The following COPZ2 variants were observed in gnomAD, a reference collection of about 807,000 sequenced individuals.
COPZ2 encodes the protein coat protein complex I subunit zeta 2.
In COPZ2, 30 loss-of-function variants were observed where a neutral mutation model predicts 33.2. That is an observed-to-expected ratio of 0.90 (90% CI 0.68 to 1.23). The LOEUF (loss-of-function observed/expected upper bound fraction) is 1.23, where lower values mean the gene tolerates loss of function less well. Ranked by LOEUF, COPZ2 falls within the 50% of genes most tolerant of loss-of-function variation. COPZ2 has a pLI of 0.00. For missense variants in COPZ2, 263 were observed against 262.4 expected (o/e 1.00, Z -0.02); for synonymous variants, 89 against 102.6 (o/e 0.87, Z 0.80).
At position 48,032,701 on chromosome 17, in the gene COPZ2, A is replaced by G. The variant is rs1382009311; in HGVS notation, c.401T>C (p.Leu134Pro). ...MSVLTCLFESLNHMLRKNVEK... is the reference protein window; with the variant it reads ...MSVLTCLFESPNHMLRKNVEK... ...CCTCACTCACCTTAACATGTGGTTC[A>G]GAGACTCAAACAGGCAGGTGAGAAC... The change falls in exon 5 of 9, where the codon CTG becomes CCG. Residue 134 changes from leucine to proline, a missense_variant. By Grantham distance (98) the Leu-to-Pro change is moderately conservative (BLOSUM62 -3). Coordinates refer to ENST00000621465, the MANE Select transcript of COPZ2 (RefSeq NM_016429.4). 1 of 1,593,182 alleles carries G rather than the reference A, an allele frequency of 6.3e-7. No homozygotes were observed. Among genetic ancestry groups the G allele is most frequent in the Non-Finnish European group, 8.5e-7 (1 of 1,169,762 alleles).
chr17:48,032,959 T>C (rs1020330021), intron 4 of COPZ2: 131 of 597,296 alleles, frequency 2.2e-4, no homozygotes, highest in African/African-American at 2.1e-3. Flanking sequence ...TCTCTAGTTA[T>C]GTTTAAGAAG....
chr17:48,029,670 T>C (rs61406735), intron 6 of COPZ2, among the ~76,000 whole-genome samples: 4 of 2,076 alleles, frequency 1.9e-3, no homozygotes, highest in Admixed American at 0.036. Context: ...ACTTCCTCCC[T>C]TTTTTTTTTT....
Position 48,037,173 on chromosome 17 carries a change from C to A in COPZ2, c.112-248G>T. 1.4e-6 allele frequency: 1 copy of A among 739,878 alleles called. No homozygotes were observed. The highest frequency in any genetic ancestry group is 1.4e-5 in the South Asian group (1 of 72,976). The allele number at this position is 739,878 out of a possible 1,614,324, so 45.8% of individuals were successfully genotyped here. A position where few individuals can be genotyped will look rare whatever the true frequency, so the allele number is the denominator to read the frequency against. Reference sequence around the variant, plus strand: ...GTTGGGTGCAGAAGGTCCTTCCGGGCCCAAGTTCTGTCATGCACTGACTGC... The same window carrying A: ...GTTGGGTGCAGAAGGTCCTTCCGGGACCAAGTTCTGTCATGCACTGACTGC... On this transcript the variant is annotated intron_variant, in intron 1 of 8. Coordinates refer to ENST00000621465, the MANE Select transcript of COPZ2 (RefSeq NM_016429.4). This position sits in a 1 kb window ranked among gnomAD's most constrained non-coding sequence, Gnocchi z 5.6.
Position 48,037,428 on chromosome 17 carries a change from G to C in COPZ2, c.111+239C>G, listed in dbSNP as rs917726475. ...CTCCCCGCGGAATCGCAACTCACCC[G>C]CCACCCCCACTCCAAACGGACCCAG... On this transcript the variant is annotated intron_variant, in intron 1 of 8. Transcript: ENST00000621465. The surrounding 1 kb of genome is among the most constrained non-coding windows in gnomAD (Gnocchi z 5.6). 6.6e-6 allele frequency among the ~76,000 whole-genome samples: 1 copy of C among 152,116 alleles called. No individual in the cohort carries two copies. Among genetic ancestry groups the C allele is most frequent in the Non-Finnish European group, 1.5e-5 (1 of 67,992 alleles).
the COPZ2 span, among the ~76,000 whole-genome samples, chr17:48,043,824 C>T: frequency 3.9e-5 from 6 of 152,180 alleles, no homozygotes; most frequent in Non-Finnish European, 8.8e-5. Flanking sequence ...CCTATGAGTC[C>T]AAAACATCCA....
chr17:48,037,007 TAC>T lies in COPZ2; in HGVS notation c.112-84_112-83del. On this transcript the variant is annotated intron_variant, in intron 1 of 8. Coordinates refer to ENST00000621465, the MANE Select transcript of COPZ2 (RefSeq NM_016429.4). The surrounding 1 kb of genome is among the most constrained non-coding windows in gnomAD (Gnocchi z 5.6). ...TCTATGGGATCTGCTGGCCCTAGGA[TAC>T]ATCCTCAGGCCCCAGCAACCCCAGT... 7.9e-7 allele frequency: 1 copy of T among 1,268,078 alleles called. No homozygotes were observed. The highest frequency in any genetic ancestry group is 1.5e-5 in the African/African-American group (1 of 68,178). 78.6% of individuals were successfully genotyped at this position (1,268,078 alleles called of 1,614,324 possible). A position where few individuals can be genotyped will look rare whatever the true frequency, so the allele number is the denominator to read the frequency against.
At chr17:48,033,606 C>T (rs1490598557) in intron 3 of COPZ2, among the ~76,000 whole-genome samples, 1 of 152,186 alleles carries the variant, frequency 6.6e-6, no homozygotes, top group Non-Finnish European at 1.5e-5. Context: ...GGGACCACAA[C>T]ACAGTTGGCC....
Position 48,026,490 on chromosome 17 carries a change from G to C in COPZ2, c.586-15C>G, listed in dbSNP as rs773254264. The C allele has an allele frequency of 3.1e-6, 5 of 1,597,072 alleles. No individual in the cohort carries two copies. The South Asian group carries it at 5.5e-5, about 18-fold the overall frequency. On this transcript the variant is annotated splice_polypyrimidine_tract_variant and intron_variant, in intron 8 of 8. Coordinates refer to ENST00000621465, the MANE Select transcript of COPZ2 (RefSeq NM_016429.4). ...GACTGAAGAACCTGGGGTGGGGTGGGGGAGGTTGAGAGAGAATTGAGAATG... is the reference window on the plus strand; with the variant it reads ...GACTGAAGAACCTGGGGTGGGGTGGCGGAGGTTGAGAGAGAATTGAGAATG...
intron 8 of COPZ2, among the ~76,000 whole-genome samples, chr17:48,027,491 G>T (rs2036833351): frequency 6.6e-6 from 1 of 152,166 alleles, no homozygotes; most frequent in East Asian, 1.9e-4. Flanking sequence ...CACGTACCCT[G>T]GGATGACTCC....
At chr17:48,035,309 A>G (rs2036962387) in intron 2 of COPZ2, among the ~76,000 whole-genome samples, 1 of 152,174 alleles carries the variant, frequency 6.6e-6, no homozygotes, top group South Asian at 2.1e-4. Flanking sequence ...TTAATACTCA[A>G]TCCGCAGGCA....
chr17:48,043,422 G>T, the COPZ2 span: 1 of 667,230 alleles, frequency 1.5e-6, no homozygotes, highest in Non-Finnish European at 1.9e-6. Context: ...AGAAGAAACA[G>T]CTCCCTTGGG....
chr17:48,028,979 C>T lies in COPZ2; in HGVS notation c.546+146G>A, dbSNP rs1051110293. On this transcript the variant is annotated intron_variant, in intron 7 of 8. Transcript: ENST00000621465. This position sits in a 1 kb window ranked among gnomAD's most constrained non-coding sequence, Gnocchi z 4.5. ...GGCATCCCACCCAGAAACTGCTGCT[C>T]ATCTCACCCCTAACAAGTGTGTCAG... 4.2e-5 allele frequency: 29 copies of T among 687,558 alleles called. No homozygotes were observed. Among genetic ancestry groups the T allele is most frequent in the Non-Finnish European group, 6.4e-5 (26 of 405,962 alleles). 42.6% of individuals were successfully genotyped at this position (687,558 alleles called of 1,614,324 possible).
chr17:48,031,797 G>A, intron 6 of COPZ2: 1 of 306,094 alleles, frequency 3.3e-6, no homozygotes, highest in South Asian at 3.8e-5. Context: ...GGACATGTGG[G>A]GCTGGTGGGA....
At chr17:48,037,869 G>A (rs1170219707), upstream of COPZ2, 150 of 969,730 alleles carry the variant, frequency 1.5e-4, no homozygotes, top group Non-Finnish European at 1.8e-4. This position sits in a 1 kb window ranked among gnomAD's most constrained non-coding sequence, Gnocchi z 5.6. Flanking sequence ...CCTCTCGCGC[G>A]TGGCCTCCCT....
At chr17:48,040,683 G>A (rs935734714), upstream of COPZ2, among the ~76,000 whole-genome samples, 3 of 151,582 alleles carry the variant, frequency 2.0e-5, no homozygotes, top group Admixed American at 1.3e-4. Context: ...TGCTTGCCTC[G>A]GCCTCCCAAA....
At chr17:48,034,347 C>T (rs2036946141) in intron 2 of COPZ2, among the ~76,000 whole-genome samples, 1 of 152,142 alleles carries the variant, frequency 6.6e-6, no homozygotes, top group Admixed American at 6.5e-5. Flanking sequence ...CTCAGGTGAT[C>T]TGCCCACCTT....
intron 2 of COPZ2, among the ~76,000 whole-genome samples, chr17:48,034,527 C>T (rs1567742430): frequency 6.6e-6 from 1 of 152,182 alleles, no homozygotes; most frequent in Non-Finnish European, 1.5e-5. Flanking sequence ...GTGCAGGGTG[C>T]TAAGGATTGG....
intron 2 of COPZ2, among the ~76,000 whole-genome samples, chr17:48,034,532 GATT>G (rs2036948840): frequency 1.3e-5 from 2 of 152,324 alleles, no homozygotes; most frequent in South Asian, 4.1e-4. Context: ...GGGTGCTAAG[GATT>G]GGCATGGTCA....
chr17:48,037,806 C>A (rs1308755610), upstream of COPZ2: 9 of 985,354 alleles, frequency 9.1e-6, no homozygotes, highest in Non-Finnish European at 1.1e-5. The surrounding 1 kb of genome is among the most constrained non-coding windows in gnomAD (Gnocchi z 5.6). Context: ...CTGACAGCGC[C>A]GCCCGCCGCC....
Sources: gnomAD v4.1 joint callset for allele counts (sites outside exome capture counted in the v4.1 genomes callset) on GRCh38, gnomAD v4.1.1 for gene constraint, Gnocchi (gnomAD v3.1) non-coding constraint, MANE v1.5 for transcripts, NCBI Gene and HGNC (gene_info 2026-07-23, HGNC 2026-07-21) for gene names.